ZNF354C: variants seen among roughly 807,000 people sequenced by gnomAD.
The protein encoded by ZNF354C is KRAB-zinc finger protein synten.
A neutral mutation model predicts 12.4 loss-of-function variants in ZNF354C; 7 were observed. The observed-to-expected ratio is 0.56, with a 90% CI of 0.32 to 1.06. ZNF354C has a LOEUF of 1.06. ZNF354C is among the 50% of genes least tolerant of loss of function. ZNF354C has a pLI of 0.04. For synonymous variants in ZNF354C, 202 were observed against 224.5 expected (o/e 0.90, Z 0.90); for missense variants, 609 against 658.0 (o/e 0.93, Z 0.81).
chr5:179,083,952 A>G lies in ZNF354C; in HGVS notation c.*3855A>G, dbSNP rs1046182699. 6.6e-6 allele frequency among the ~76,000 whole-genome samples: 1 copy of G among 152,178 alleles called. No individual in the cohort carries two copies. Among genetic ancestry groups the G allele is most frequent in the Non-Finnish European group, 1.5e-5 (1 of 68,032 alleles). On this transcript the variant is annotated 3_prime_UTR_variant, in exon 5 of 5. Coordinates refer to ENST00000315475, the MANE Select transcript of ZNF354C (RefSeq NM_014594.3). The stretch of plus-strand genomic sequence containing the variant: ...TCCCCATTGCTTTTCTTCCCTATCT[A>G]TCTTCCTGCTACTTGGACCTGGAGG...
At position 179,070,841 on chromosome 5, in the gene ZNF354C, C is replaced by CTTTTTT. The variant is rs766817856; in HGVS notation, c.28-5584_28-5579dup. On this transcript the variant is annotated intron_variant, in intron 2 of 4. Coordinates refer to ENST00000315475, the MANE Select transcript of ZNF354C (RefSeq NM_014594.3). Reference sequence around the variant, plus strand: ...CAGATGATTAGCAGCCTTGATCGCTCTTTTTTTTTTTTTTTTTTTTTTTTT... The same window carrying CTTTTTT: ...CAGATGATTAGCAGCCTTGATCGCTCTTTTTTTTTTTTTTTTTTTTTTTTTTTTTTT... Among the ~76,000 whole-genome samples the CTTTTTT allele has an allele frequency of 4.8e-3, 364 of 75,458 alleles. 20 individuals are homozygous for CTTTTTT. The highest frequency in any genetic ancestry group is 9.6e-3 in the African/African-American group (169 of 17,568). The allele number at this position is 75,458 out of a possible 152,430, so 49.5% of individuals were successfully genotyped here.
At position 179,071,655 on chromosome 5, in the gene ZNF354C, C is replaced by T. The variant is rs13362087; in HGVS notation, c.28-4790C>T. On this transcript the variant is annotated intron_variant, in intron 2 of 4. Coordinates refer to ENST00000315475, the MANE Select transcript of ZNF354C (RefSeq NM_014594.3). The stretch of plus-strand genomic sequence containing the variant: ...CCACAGTCAGCACCAACAGAATAAT[C>T]AAAACTTAGTCACAAACTTGCAGTC... Among the ~76,000 whole-genome samples the T allele has an allele frequency of 8.2e-3, 1,251 of 152,198 alleles. 15 individuals are homozygous for T. The highest frequency in any genetic ancestry group is 0.029 in the African/African-American group (1,190 of 41,530).
Position 179,082,888 on chromosome 5 carries a change from C to T in ZNF354C, c.*2791C>T. On this transcript the variant is annotated 3_prime_UTR_variant, in exon 5 of 5. Transcript: ENST00000315475. ...CAAACATTCCAGGCACTGCACTTGC[C>T]AGTGCGCTGATGAAGAATCACGGAG... 9.6e-7 allele frequency: 1 copy of T among 1,041,276 alleles called. No homozygotes were observed. Among genetic ancestry groups the T allele is most frequent in the Non-Finnish European group, 1.5e-6 (1 of 661,090 alleles). The allele number at this position is 1,041,276 out of a possible 1,614,324, so 64.5% of individuals were successfully genotyped here.
intron 2 of ZNF354C, among the ~76,000 whole-genome samples, chr5:179,071,826 T>C (rs561948129): frequency 2.6e-5 from 4 of 152,286 alleles, no homozygotes; most frequent in African/African-American, 9.6e-5. Flanking sequence ...AGCTGACCCC[T>C]GAACCATACA....
intron 2 of ZNF354C, among the ~76,000 whole-genome samples, chr5:179,064,185 T>C (rs539311613): frequency 1.3e-5 from 2 of 152,202 alleles, no homozygotes; most frequent in Non-Finnish European, 2.9e-5. Flanking sequence ...GTTGTTGTTT[T>C]TGGAAGGGGT....
At position 179,079,988 on chromosome 5, in the gene ZNF354C, C is replaced by T. The variant is rs376313600; in HGVS notation, c.1556C>T (p.Thr519Met). 96 of 1,613,848 alleles carry T rather than the reference C, an allele frequency of 5.9e-5. No homozygotes were observed. Among genetic ancestry groups the T allele is most frequent in the African/African-American group, 2.8e-4 (21 of 74,906 alleles). ...CTTTGTAGACACAAAAAAGTTCACA[C>T]GAAAGAGAAACTCTATAAGTGGAAG... Reference protein sequence around the residue: ...SNLCRHKKVHTKEKLYKWKEY... With the variant: ...SNLCRHKKVHMKEKLYKWKEY... The change falls in exon 5 of 5, where the codon ACG becomes ATG. Residue 519 changes from threonine (T) to methionine (M), a missense_variant. By Grantham distance (81) the Thr-to-Met change is moderately conservative. Transcript: ENST00000315475. The surrounding 1 kb of genome is among the most constrained non-coding windows in gnomAD (Gnocchi z 4.2).
chr5:179,074,200 C>T (rs949124808), intron 2 of ZNF354C, among the ~76,000 whole-genome samples: 2 of 151,842 alleles, frequency 1.3e-5, no homozygotes, highest in Admixed American at 6.6e-5. Context: ...CCAGGATGGT[C>T]TCCATCTCTT....
chr5:179,075,431 T>A (rs1333718483), intron 2 of ZNF354C, among the ~76,000 whole-genome samples: 4 of 149,878 alleles, frequency 2.7e-5, no homozygotes, highest in Admixed American at 1.3e-4. Context: ...AAAAAAAAAA[T>A]TATAAATAAA....
At chr5:179,066,703 G>GA (rs1317001274) in intron 2 of ZNF354C, among the ~76,000 whole-genome samples, 4 of 152,108 alleles carry the variant, frequency 2.6e-5, no homozygotes, top group South Asian at 4.2e-4. Context: ...TTGCTAATGG[G>GA]AAAATCCACT....
chr5:179,079,805 A>C lies in ZNF354C; in HGVS notation c.1373A>C (p.His458Pro), dbSNP rs1345538899. The C allele has an allele frequency of 7.4e-6, 12 of 1,614,074 alleles. No individual in the cohort carries two copies. The highest frequency in any genetic ancestry group is 1.3e-5 in the African/African-American group (1 of 74,940). ...AFGCKSNLYRHQRIHTGEKPY... is the reference protein window; with the variant it reads ...AFGCKSNLYRPQRIHTGEKPY... Reference sequence around the variant, plus strand: ...GGTTGCAAATCTAACCTTTATAGGCATCAGAGAATTCATACTGGAGAGAAA... The same window carrying C: ...GGTTGCAAATCTAACCTTTATAGGCCTCAGAGAATTCATACTGGAGAGAAA... Residue 458 changes from histidine to proline, a missense_variant, in exon 5 of 5, where the codon CAT (histidine) becomes CCT (proline). By Grantham distance (77) the His-to-Pro change is moderately conservative. Transcript: ENST00000315475. The surrounding 1 kb of genome is among the most constrained non-coding windows in gnomAD (Gnocchi z 4.2).
chr5:179,070,168 AT>A (rs1762029726), intron 2 of ZNF354C, among the ~76,000 whole-genome samples: 1 of 152,122 alleles, frequency 6.6e-6, no homozygotes, highest in South Asian at 2.1e-4. Flanking sequence ...CATGAACCCT[AT>A]TGTGAACTGC....
chr5:179,078,828 C>T lies in ZNF354C; in HGVS notation c.396C>T (p.Ser132=), dbSNP rs551042582. 3.6e-5 allele frequency: 58 copies of T among 1,613,868 alleles called. No individual in the cohort carries two copies. In the Admixed American group the frequency reaches 3.8e-4, roughly 11 times the overall value. ...INFEEAVEFE[S]EIEEEQEKKP... Reference sequence around the variant, plus strand: ...TTGAAGAAGCTGTGGAATTTGAGAGCGAGATAGAAGAAGAGCAAGAGAAGA... The same window carrying T: ...TTGAAGAAGCTGTGGAATTTGAGAGTGAGATAGAAGAAGAGCAAGAGAAGA... The change falls in exon 5 of 5, where the codon AGC becomes AGT. Residue 132 remains serine (S), a synonymous_variant. Transcript: ENST00000315475.
At chr5:179,071,264 G>A (rs1455668660) in intron 2 of ZNF354C, among the ~76,000 whole-genome samples, 1 of 151,954 alleles carries the variant, frequency 6.6e-6, no homozygotes, top group Non-Finnish European at 1.5e-5. Context: ...ACACGCTAAC[G>A]AGAACAACTG....
intron 4 of ZNF354C, 104 bp from the exon 5 acceptor site, chr5:179,078,579 A>G: frequency 1.2e-5 from 10 of 838,466 alleles, no homozygotes; most frequent in Non-Finnish European, 1.8e-5. Context: ...ATCTGATTGT[A>G]TCACTCTTCT....
Position 179,082,817 on chromosome 5 carries a change from A to G in ZNF354C, c.*2720A>G. 7.6e-7 allele frequency: 1 copy of G among 1,323,076 alleles called. No individual in the cohort carries two copies. The highest frequency in any genetic ancestry group is 1.1e-6 in the Non-Finnish European group (1 of 915,874). The allele number at this position is 1,323,076 out of a possible 1,614,324, so 82.0% of individuals were successfully genotyped here. A position where few individuals can be genotyped will look rare whatever the true frequency, so the allele number is the denominator to read the frequency against. On this transcript the variant is annotated 3_prime_UTR_variant, in exon 5 of 5. Transcript: ENST00000315475. ...TGTTCTTCAAGCGACTGACCAACCG[A>G]TCAGGTCGAGGAGCTGCAACAGCCT...
rs1209631853 is a variant in ZNF354C, at chr5:179,068,774, C to T, written c.27+6679C>T. Among the ~76,000 whole-genome samples the T allele has an allele frequency of 3.3e-5, 5 of 152,136 alleles. 1 individual carries two copies. The South Asian group carries it at 6.2e-4, about 19-fold the overall frequency. On this transcript the variant is annotated intron_variant, in intron 2 of 4. Transcript: ENST00000315475. ...GGGCACCATAGCAAAATACCAGAGA[C>T]GAGGTGGCCTCAACCATGGAAATGT...
chr5:179,076,899 G>A (rs1319617843), intron 3 of ZNF354C, among the ~76,000 whole-genome samples, 172 bp from the exon 4 acceptor site: 3 of 152,178 alleles, frequency 2.0e-5, no homozygotes, highest in Non-Finnish European at 4.4e-5. Context: ...TCTGAACTGA[G>A]ACCTTCCCCG....
rs1761900359 is a variant in ZNF354C at position 179,061,999 on chromosome 5, C to A, written c.-54-16C>A. On this transcript the variant is annotated splice_polypyrimidine_tract_variant and intron_variant, in intron 1 of 4. Transcript: ENST00000315475. ...CCTGACGCCAGGGTTCCTCTTGACA[C>A]CTTTTTCCTCTGCAGACCCACCGTG... The A allele has an allele frequency of 1.3e-6, 2 of 1,572,572 alleles. No individual in the cohort carries two copies. Among genetic ancestry groups the A allele is most frequent in the Admixed American group, 1.7e-5 (1 of 59,904 alleles).
intron 2 of ZNF354C, among the ~76,000 whole-genome samples, chr5:179,072,400 G>C (rs1762063474): frequency 6.6e-6 from 1 of 151,854 alleles, no homozygotes; most frequent in Non-Finnish European, 1.5e-5. Flanking sequence ...TGAAAAACAG[G>C]GAGAAAAAAG....
Sources: allele counts gnomAD v4.1 joint callset (sites outside exome capture counted in the v4.1 genomes callset), GRCh38; gene constraint gnomAD v4.1.1; non-coding constraint Gnocchi (gnomAD v3.1); transcripts MANE v1.5; gene names NCBI Gene and HGNC (gene_info 2026-07-23, HGNC 2026-07-21).